Variants in SEMA6A observed in about 807,000 individuals in gnomAD.
The protein encoded by SEMA6A is semaphorin-6A.
A neutral mutation model predicts 96.8 loss-of-function variants in SEMA6A; 25 were observed. The ratio of observed to expected loss-of-function variants is 0.26; its 90% confidence interval spans 0.19 to 0.36. The LOEUF is 0.36. SEMA6A is among the 10% of genes least tolerant of loss of function. SEMA6A has a pLI of 1.00. For synonymous variants in SEMA6A, 612 were observed against 518.0 expected (o/e 1.18, Z -2.46); for missense variants, 1,363 against 1,323.1 (o/e 1.03, Z -0.47).
At chr5:116,552,199 C>T (rs924857920) in intron 1 of SEMA6A, among the ~76,000 whole-genome samples, 1 of 152,118 alleles carries the variant, frequency 6.6e-6, no homozygotes, top group South Asian at 2.1e-4. Flanking sequence ...TACGGCCTAA[C>T]GCTTCCTCTG....
intron 1 of SEMA6A, among the ~76,000 whole-genome samples, chr5:116,535,553 C>A (rs1462277926): frequency 6.6e-6 from 1 of 152,116 alleles, no homozygotes; most frequent in Non-Finnish European, 1.5e-5. Context: ...ACTGTCCTAT[C>A]CTATCAGCTA....
At chr5:116,561,618 T>C (rs1443742036) in intron 1 of SEMA6A, among the ~76,000 whole-genome samples, 1 of 152,252 alleles carries the variant, frequency 6.6e-6, no homozygotes, top group Non-Finnish European at 1.5e-5. Context: ...AATGTGATAA[T>C]GTCAAGTTAT....
At chr5:116,558,409 G>A (rs1580515475) in intron 1 of SEMA6A, among the ~76,000 whole-genome samples, 1 of 151,472 alleles carries the variant, frequency 6.6e-6, no homozygotes, top group East Asian at 1.9e-4. Context: ...TAGGTTTTAA[G>A]CCCCGCATGC....
intron 1 of SEMA6A, among the ~76,000 whole-genome samples, chr5:116,555,117 C>T (rs1255208198): frequency 6.6e-6 from 1 of 152,126 alleles, no homozygotes. Context: ...CCAGAGACAC[C>T]CAGTCTCCAA....
chr5:116,506,713 T>C (rs180788653), intron 1 of SEMA6A, among the ~76,000 whole-genome samples: 1 of 152,046 alleles, frequency 6.6e-6, no homozygotes, highest in African/African-American at 2.4e-5. Context: ...CAGGGAGAAC[T>C]GGCAACTTTT....
At chr5:116,500,649 G>C (rs1162886921) in intron 3 of SEMA6A, among the ~76,000 whole-genome samples, 6 of 151,792 alleles carry the variant, frequency 4.0e-5, no homozygotes, top group Non-Finnish European at 8.8e-5. Flanking sequence ...GAACATCTAA[G>C]TGCTTTAGAA....
At position 116,480,202 on chromosome 5, in the gene SEMA6A, G is replaced by A; in HGVS notation, c.1170C>T (p.Asn390=). 3 of 1,613,848 alleles carry A rather than the reference G, an allele frequency of 1.9e-6. No homozygotes were observed. The highest frequency in any genetic ancestry group is 1.7e-6 in the Non-Finnish European group (2 of 1,179,780). The change falls in exon 12 of 19, where the codon AAC becomes AAT. Residue 390 remains asparagine (N), a synonymous_variant. Transcript: ENST00000343348. ...TSNEFPDDTL[N]FIKTHPLMDE... ...CCATGAGCGGGTGCGTCTTGATGAA[G>A]TTCAGGGTATCATCAGGGAACTCAT...
chr5:116,554,785 G>C (rs1395097995), intron 1 of SEMA6A: 19 of 147,172 alleles, frequency 1.3e-4, no homozygotes, highest in Admixed American at 1.2e-3. Flanking sequence ...AAAATCTCTG[G>C]CTATGGAGAA....
At chr5:116,464,335 CTG>C (rs1755597367) in intron 18 of SEMA6A, among the ~76,000 whole-genome samples, 1 of 152,096 alleles carries the variant, frequency 6.6e-6, no homozygotes, top group African/African-American at 2.4e-5. Flanking sequence ...GAGCAGTTGG[CTG>C]TGTTTTTACT....
chr5:116,488,202 G>A lies in SEMA6A; in HGVS notation c.656-6C>T, dbSNP rs1471156767. ...GGCTTGAACAAAGTATGGTTCTGTAGACAAACAGGCACTTTAATTGGGAAC... is the reference window on the plus strand; with the variant it reads ...GGCTTGAACAAAGTATGGTTCTGTAAACAAACAGGCACTTTAATTGGGAAC... On this transcript the variant is annotated splice_polypyrimidine_tract_variant and splice_region_variant and intron_variant, in intron 8 of 18. Transcript: ENST00000343348. 1 of 1,585,436 alleles carries A rather than the reference G, an allele frequency of 6.3e-7. No homozygotes were observed. The highest frequency in any genetic ancestry group is 1.1e-5 in the South Asian group (1 of 88,418).
At chr5:116,478,210 C>T in intron 13 of SEMA6A, 56 bp from the exon 14 acceptor site, 3 of 1,573,926 alleles carry the variant, frequency 1.9e-6, no homozygotes, top group Non-Finnish European at 2.6e-6. Flanking sequence ...TTTCTCGGCC[C>T]CACCCTCACA....
chr5:116,481,747 C>G (rs1756786834), intron 11 of SEMA6A, among the ~76,000 whole-genome samples: 1 of 152,082 alleles, frequency 6.6e-6, no homozygotes, highest in South Asian at 2.1e-4. Context: ...GCGGGGACTT[C>G]CCTCCTGTCC....
At chr5:116,534,371 A>G (rs2112847259) in intron 1 of SEMA6A, among the ~76,000 whole-genome samples, 1 of 152,264 alleles carries the variant, frequency 6.6e-6, no homozygotes, top group East Asian at 1.9e-4. Context: ...CAGACTCCAC[A>G]TCTACATGGC....
At chr5:116,470,161 G>T (rs906654988) in intron 17 of SEMA6A, among the ~76,000 whole-genome samples, 1 of 152,046 alleles carries the variant, frequency 6.6e-6, no homozygotes, top group Non-Finnish European at 1.5e-5. Context: ...GCAGTCCTCA[G>T]TTTGAATTCA....
At chr5:116,488,809 G>A (rs1247021283) in intron 8 of SEMA6A, 79 bp downstream of exon 8, 2 of 1,430,970 alleles carry the variant, frequency 1.4e-6, no homozygotes. Flanking sequence ...ATACAGTCTG[G>A]TCCCTCCAGA....
intron 1 of SEMA6A, among the ~76,000 whole-genome samples, chr5:116,563,347 C>A (rs1050771032): frequency 4.6e-5 from 7 of 152,142 alleles, no homozygotes; most frequent in Admixed American, 3.9e-4. Context: ...ACACCACTTA[C>A]AAATTTCAGT....
At chr5:116,479,404 G>T (rs960729534) in intron 12 of SEMA6A, among the ~76,000 whole-genome samples, 9 of 152,192 alleles carry the variant, frequency 5.9e-5, no homozygotes, top group African/African-American at 2.2e-4. Flanking sequence ...AGACCCTCCT[G>T]CAAGTTATAT....
chr5:116,565,854 C>T (rs1036108506), intron 1 of SEMA6A, among the ~76,000 whole-genome samples: 1 of 151,996 alleles, frequency 6.6e-6, no homozygotes, highest in Non-Finnish European at 1.5e-5. Context: ...AGGAAAGGAA[C>T]GTTTCCATTC....
chr5:116,497,800 A>G (rs939020636), intron 3 of SEMA6A, among the ~76,000 whole-genome samples: 1 of 152,124 alleles, frequency 6.6e-6, no homozygotes, highest in Non-Finnish European at 1.5e-5. Flanking sequence ...CTGTTCATCA[A>G]GAGGGCTAAC....
Sources: allele counts gnomAD v4.1 joint callset (sites outside exome capture counted in the v4.1 genomes callset), GRCh38; gene constraint gnomAD v4.1.1; transcripts MANE v1.5; gene names NCBI Gene and HGNC (gene_info 2026-07-23, HGNC 2026-07-21).